NRG1: variants seen among roughly 807,000 people sequenced by gnomAD.
NRG1 encodes the protein neuregulin 1.
Under a neutral mutation model 63.8 loss-of-function variants are expected in NRG1, and 18 were observed. The observed-to-expected ratio is 0.28, with a 90% confidence interval of 0.19 to 0.42. The LOEUF (loss-of-function observed/expected upper bound fraction) is 0.42. Ranked by LOEUF, NRG1 falls within the 10% of genes least tolerant of loss-of-function variation. NRG1 has a pLI of 1.00. For missense variants in NRG1, 762 were observed against 814.7 expected (o/e 0.94, Z 0.79); for synonymous variants, 302 against 301.3 (o/e 1.00, Z -0.02).
chr8:32,317,197 A>G (rs1857500924), intron 1 of NRG1, among the ~76,000 whole-genome samples: 1 of 152,176 alleles, frequency 6.6e-6, no homozygotes, highest in Admixed American at 6.5e-5. Flanking sequence ...AGTGGGAAAA[A>G]TAGAAAGAGA....
intron 1 of NRG1, among the ~76,000 whole-genome samples, chr8:31,796,846 TG>T (rs1286885650): frequency 2.6e-5 from 4 of 152,104 alleles, no homozygotes; most frequent in Admixed American, 2.6e-4. Context: ...CCAACCAACA[TG>T]GGTGTAATTC....
At chr8:31,925,691 C>T (rs1277817061) in intron 1 of NRG1, among the ~76,000 whole-genome samples, 6 of 111,582 alleles carry the variant, frequency 5.4e-5, no homozygotes, top group African/African-American at 1.7e-4. Flanking sequence ...ATTTTTCTGA[C>T]CTATTTTCTT....
At chr8:31,898,908 G>C (rs1171561301) in intron 1 of NRG1, among the ~76,000 whole-genome samples, 1 of 151,834 alleles carries the variant, frequency 6.6e-6, no homozygotes, top group Non-Finnish European at 1.5e-5. Context: ...CAGTATGACA[G>C]TGATTTCTAC....
intron 1 of NRG1, among the ~76,000 whole-genome samples, chr8:32,354,197 C>T (rs941741603): frequency 2.6e-5 from 4 of 151,992 alleles, no homozygotes; most frequent in African/African-American, 7.3e-5. Context: ...GGCAAAACCC[C>T]GTCTCTACTA....
chr8:32,315,250 G>C (rs755781122), intron 1 of NRG1, among the ~76,000 whole-genome samples: 1 of 152,070 alleles, frequency 6.6e-6, no homozygotes, highest in Non-Finnish European at 1.5e-5. Context: ...CCACCCCCCT[G>C]ACAGGTCCTG....
chr8:32,460,936 A>AT (rs1822234083), intron 1 of NRG1, among the ~76,000 whole-genome samples: 2 of 152,192 alleles, frequency 1.3e-5, no homozygotes, highest in Non-Finnish European at 2.9e-5. Context: ...TGTTAAGACT[A>AT]TATATCCTAT....
rs554244569 is a variant in NRG1, at chr8:32,520,323, C to CT, written c.38-75490dup. Among the ~76,000 whole-genome samples the CT allele has an allele frequency of 4.8e-3, 670 of 140,160 alleles. 5 individuals are homozygous for CT. Among genetic ancestry groups the CT allele is most frequent in the East Asian group, 0.013 (62 of 4,770 alleles). 92.0% of individuals were successfully genotyped at this position (140,160 alleles called of 152,430 possible). ...AGGCACGTGCCACCTTGTCCAGCTACTTTTTTTTTTTTTTTGGTAGAAACA... is the reference window on the plus strand; with the variant it reads ...AGGCACGTGCCACCTTGTCCAGCTACTTTTTTTTTTTTTTTTGGTAGAAACA... On this transcript the variant is annotated intron_variant, in intron 1 of 10. Coordinates refer to the NRG1 transcript ENST00000519301.
At chr8:31,729,564 G>A (rs936812097) in intron 1 of NRG1, among the ~76,000 whole-genome samples, 12 of 151,980 alleles carry the variant, frequency 7.9e-5, no homozygotes, top group African/African-American at 2.7e-4. Context: ...TGAAAAACTT[G>A]GTTTTCTCCA....
chr8:31,983,716 CAGG>C (rs1809568116), intron 1 of NRG1, among the ~76,000 whole-genome samples: 1 of 151,980 alleles, frequency 6.6e-6, no homozygotes, highest in Admixed American at 6.6e-5. Flanking sequence ...GGGAAATAAA[CAGG>C]AGAGCAGGCA....
intron 1 of NRG1, among the ~76,000 whole-genome samples, chr8:31,884,504 C>A (rs900412841): frequency 2.6e-5 from 4 of 152,048 alleles, no homozygotes; most frequent in African/African-American, 9.7e-5. Context: ...CTGTAAGAAA[C>A]CTTGACAGAA....
intron 1 of NRG1, among the ~76,000 whole-genome samples, chr8:32,174,178 T>A (rs143106600): frequency 0.12 from 18,464 of 152,128 alleles, 1,162 homozygotes; most frequent in East Asian, 0.26. Flanking sequence ...TACTCAGGAT[T>A]AAGAAACTCA....
At chr8:32,748,329 G>GCA in intron 7 of NRG1, among the ~76,000 whole-genome samples, 1 of 77,332 alleles carries the variant, frequency 1.3e-5, no homozygotes, top group South Asian at 5.2e-4. Flanking sequence ...GCATGTACAC[G>GCA]CGCGCGCGCG....
chr8:32,004,613 A>G (rs1373197157), intron 1 of NRG1, among the ~76,000 whole-genome samples: 1 of 151,962 alleles, frequency 6.6e-6, no homozygotes, highest in Non-Finnish European at 1.5e-5. Context: ...AAAAAAAATT[A>G]CACCCCAGAA....
intron 1 of NRG1, among the ~76,000 whole-genome samples, chr8:31,801,743 A>G (rs1167971776): frequency 6.6e-6 from 1 of 152,234 alleles, no homozygotes; most frequent in Non-Finnish European, 1.5e-5. Flanking sequence ...TATTCAAAGA[A>G]ATATTATCTC....
At chr8:31,995,260 A>G (rs1364486501) in intron 1 of NRG1, among the ~76,000 whole-genome samples, 1 of 151,960 alleles carries the variant, frequency 6.6e-6, no homozygotes, top group Non-Finnish European at 1.5e-5. Context: ...TTACTTGTCT[A>G]TGTATATACT....
chr8:32,146,507 TA>T (rs1025805376), intron 1 of NRG1, among the ~76,000 whole-genome samples: 16 of 152,126 alleles, frequency 1.1e-4, no homozygotes, highest in African/African-American at 3.4e-4. Flanking sequence ...CTAATCAATG[TA>T]AAAAAATTAT....
intron 1 of NRG1, among the ~76,000 whole-genome samples, chr8:31,722,082 G>A (rs993583259): frequency 1.3e-5 from 2 of 151,864 alleles, no homozygotes; most frequent in South Asian, 2.1e-4. Context: ...ATCTTCCACC[G>A]AGTTCTCAGG....
chr8:32,593,463 G>A (rs1441472891), intron 1 of NRG1, among the ~76,000 whole-genome samples: 1 of 151,884 alleles, frequency 6.6e-6, no homozygotes, highest in Non-Finnish European at 1.5e-5. Flanking sequence ...AGACCAGCTT[G>A]TCTAACATGG....
intron 1 of NRG1, among the ~76,000 whole-genome samples, chr8:32,566,151 G>T (rs1245063718): frequency 4.6e-5 from 7 of 152,078 alleles, no homozygotes; most frequent in Non-Finnish European, 8.8e-5. Context: ...GAGGTCAGGA[G>T]TTCGTGACCA....
Sources: gnomAD v4.1 joint callset for allele counts (sites outside exome capture counted in the v4.1 genomes callset) on GRCh38, gnomAD v4.1.1 for gene constraint, MANE v1.5 for transcripts, NCBI Gene and HGNC (gene_info 2026-07-23, HGNC 2026-07-21) for gene names.